The following PHYHIPL variants were observed in gnomAD, a reference collection of about 807,000 sequenced individuals.
PHYHIPL encodes the protein phytanoyl-CoA hydroxylase-interacting protein-like.
A neutral mutation model predicts 33.4 loss-of-function variants in PHYHIPL; 9 were observed. The observed-to-expected ratio is 0.27, with a 90% CI of 0.16 to 0.47. The LOEUF (loss-of-function observed/expected upper bound fraction) is 0.47, where lower values mean the gene tolerates loss of function less well. PHYHIPL is among the 20% of genes least tolerant of loss of function. The pLI is 0.99. For missense variants in PHYHIPL, 365 were observed against 460.7 expected (o/e 0.79, Z 1.90); for synonymous variants, 153 against 154.1 (o/e 0.99, Z 0.05).
chr10:59,228,128 A>G (rs1189855668), intron 1 of PHYHIPL, among the ~76,000 whole-genome samples: 2 of 152,090 alleles, frequency 1.3e-5, no homozygotes, highest in Non-Finnish European at 2.9e-5. Flanking sequence ...AAAAAAATAG[A>G]TATGCCCCCA....
intron 1 of PHYHIPL, among the ~76,000 whole-genome samples, chr10:59,232,689 T>C (rs1447119436): frequency 2.6e-5 from 4 of 151,636 alleles, no homozygotes; most frequent in Non-Finnish European, 5.9e-5. Context: ...ATTGTAACTA[T>C]TTTTTTTCAC....
chr10:59,244,687 C>T (rs1314197204), intron 4 of PHYHIPL, among the ~76,000 whole-genome samples: 2 of 151,256 alleles, frequency 1.3e-5, no homozygotes, highest in African/African-American at 2.4e-5. Flanking sequence ...TATATTTAAC[C>T]AATACCTTTA....
rs868238535 is a variant in PHYHIPL, at chr10:59,245,182, C to T, written c.722C>T (p.Pro241Leu). 6.2e-7 allele frequency: 1 copy of T among 1,614,134 alleles called. No homozygotes were observed. The highest frequency in any genetic ancestry group is 8.5e-7 in the Non-Finnish European group (1 of 1,180,024). ...SCSTEFNTGK[P>L]PQDSPYGRYR... ...AGCACTGAATTCAATACTGGAAAGC[C>T]ACCCCAGGATTCACCTTATGGAAGA... is the stretch of plus-strand genomic sequence containing the variant. The change falls in exon 5 of 5, where the codon CCA (proline) becomes CTA (leucine). Residue 241 changes from proline (P) to leucine (L), a missense_variant. Physicochemically the swap from Pro to Leu is moderately conservative, Grantham distance 98 (BLOSUM62 -3). Around this residue, in one of 4 missense-constraint regions of PHYHIPL, gnomAD observed 196 missense variants for 224.9 expected, o/e 0.87. Coordinates refer to ENST00000373880, the MANE Select transcript of PHYHIPL (RefSeq NM_032439.4).
At chr10:59,198,583 C>G (rs1838993391) in intron 1 of PHYHIPL, among the ~76,000 whole-genome samples, 1 of 152,156 alleles carries the variant, frequency 6.6e-6, no homozygotes, top group Admixed American at 6.5e-5. Context: ...AATGGGATGG[C>G]TGGGTCAAAT....
At chr10:59,184,995 T>C (rs1385568941) in intron 1 of PHYHIPL, among the ~76,000 whole-genome samples, 2 of 143,456 alleles carry the variant, frequency 1.4e-5, no homozygotes, top group Admixed American at 1.4e-4. Flanking sequence ...TTTTTTTTTT[T>C]TTTTTTTTTT....
At position 59,176,881 on chromosome 10, in the gene PHYHIPL, C is replaced by T; in HGVS notation, c.28C>T (p.Leu10Phe). 6.2e-7 allele frequency: 1 copy of T among 1,613,526 alleles called. No homozygotes were observed. Among genetic ancestry groups the T allele is most frequent in the East Asian group, 2.2e-5 (1 of 44,786 alleles). The change falls in exon 1 of 5, where the codon CTC (leucine) becomes TTC (phenylalanine). Residue 10 changes from leucine (L) to phenylalanine (F), a missense_variant. Leu to Phe is a conservative substitution (Grantham distance 22). This residue lies in a region of PHYHIPL where 89 missense variants were observed against 78.3 expected (regional missense o/e 1.14). Transcript: ENST00000373880. ...GGAGGTGCCGCGCCTGGATCATGCC[C>T]TCAACAGCCCCACCAGCCCCTGTGA... MEVPRLDHA[L>F]NSPTSPCEEV...
chr10:59,175,901 T>C (rs961741403), upstream of PHYHIPL, among the ~76,000 whole-genome samples: 1 of 152,230 alleles, frequency 6.6e-6, no homozygotes, highest in African/African-American at 2.4e-5. Context: ...GAAGGCAGAC[T>C]GCGTGGCTGC....
At chr10:59,203,461 C>T (rs558649127) in intron 1 of PHYHIPL, among the ~76,000 whole-genome samples, 10 of 152,154 alleles carry the variant, frequency 6.6e-5, no homozygotes, top group East Asian at 3.9e-4. Flanking sequence ...TAAAGACACA[C>T]GCACACGTAT....
intron 1 of PHYHIPL, among the ~76,000 whole-genome samples, chr10:59,208,781 C>T (rs987522370): frequency 6.6e-6 from 1 of 151,814 alleles, no homozygotes; most frequent in African/African-American, 2.4e-5. Flanking sequence ...GTGAAGCATA[C>T]ACAAGTATCA....
At chr10:59,189,564 A>T (rs1317868818) in intron 1 of PHYHIPL, among the ~76,000 whole-genome samples, 3 of 151,928 alleles carry the variant, frequency 2.0e-5, no homozygotes, top group African/African-American at 4.8e-5. Flanking sequence ...TTATTTTTAC[A>T]TGCATTCCAA....
chr10:59,230,823 CG>C (rs935705768), intron 1 of PHYHIPL, among the ~76,000 whole-genome samples: 1 of 151,626 alleles, frequency 6.6e-6, no homozygotes, highest in Non-Finnish European at 1.5e-5. Context: ...AAAACCATGG[CG>C]GGGGGGCTTC....
chr10:59,199,409 G>T (rs1839027333), intron 1 of PHYHIPL, among the ~76,000 whole-genome samples: 2 of 152,046 alleles, frequency 1.3e-5, no homozygotes, highest in Non-Finnish European at 2.9e-5. Flanking sequence ...CTGTTCCATT[G>T]GTCTCTATCT....
chr10:59,197,051 C>A (rs1387729845), intron 1 of PHYHIPL, among the ~76,000 whole-genome samples: 1 of 152,070 alleles, frequency 6.6e-6, no homozygotes, highest in African/African-American at 2.4e-5. Context: ...AAAACAACAC[C>A]ACAAATTTAG....
chr10:59,177,056 G>T (rs1838270747), intron 1 of PHYHIPL, 97 bp downstream of exon 1: 1 of 986,682 alleles, frequency 1.0e-6, no homozygotes, highest in South Asian at 1.4e-5. Flanking sequence ...GGGCGGCAGG[G>T]TCTTTTGTTG....
intron 1 of PHYHIPL, among the ~76,000 whole-genome samples, chr10:59,214,464 G>GA (rs1465396025): frequency 6.6e-6 from 1 of 152,006 alleles, no homozygotes; most frequent in Non-Finnish European, 1.5e-5. Context: ...AAAAAGATCT[G>GA]AAAAAAGAAA....
intron 1 of PHYHIPL, among the ~76,000 whole-genome samples, chr10:59,204,904 G>C (rs927654754): frequency 3.4e-5 from 4 of 118,880 alleles, no homozygotes; most frequent in African/African-American, 1.3e-4. Context: ...CGCTCTTATT[G>C]CTCTGGCTGG....
intron 4 of PHYHIPL, among the ~76,000 whole-genome samples, chr10:59,242,980 A>G (rs1840459610): frequency 6.6e-6 from 1 of 152,196 alleles, no homozygotes; most frequent in South Asian, 2.1e-4. Context: ...TGGGGCTGAA[A>G]AAGTATTCAT....
chr10:59,219,255 G>A (rs1839697820), intron 1 of PHYHIPL: 2 of 934,468 alleles, frequency 2.1e-6, no homozygotes, highest in South Asian at 9.9e-5. Context: ...AAGAAGTAGA[G>A]TTAGGAATAA....
chr10:59,230,534 G>C (rs1166882317), intron 1 of PHYHIPL, among the ~76,000 whole-genome samples: 1 of 152,108 alleles, frequency 6.6e-6, no homozygotes, highest in Non-Finnish European at 1.5e-5. Context: ...TTCTTGAAAT[G>C]TTTAAAAGTC....
Sources: allele counts gnomAD v4.1 joint callset (sites outside exome capture counted in the v4.1 genomes callset), GRCh38; gene constraint gnomAD v4.1.1; regional missense constraint gnomAD v4.1.1; transcripts MANE v1.5; gene names NCBI Gene and HGNC (gene_info 2026-07-23, HGNC 2026-07-21).